CDH15: variants seen among roughly 807,000 people sequenced by gnomAD.
The protein encoded by CDH15 is cadherin-15.
In CDH15, 73 loss-of-function variants were observed where a neutral mutation model predicts 69.4. That is an observed-to-expected ratio of 1.05 (90% CI 0.87 to 1.28). The LOEUF (loss-of-function observed/expected upper bound fraction) is 1.28, where lower values mean the gene tolerates loss of function less well. Among genes scored for constraint, CDH15 ranks in the 50% most tolerant of loss-of-function variants. The pLI is 0.00. For missense variants in CDH15, 1,343 were observed against 1,133.6 expected (o/e 1.18, Z -2.65); for synonymous variants, 624 against 507.7 (o/e 1.23, Z -3.08).
Position 89,191,781 on chromosome 16 carries a change from T to G in CDH15, c.1502T>G (p.Leu501Arg), listed in dbSNP as rs1258985515. Residue 501 changes from leucine to arginine, a missense_variant, in exon 10 of 14, where the codon CTC becomes CGC. Physicochemically the swap from Leu to Arg is moderately radical, Grantham distance 102. Coordinates refer to ENST00000289746, the MANE Select transcript of CDH15 (RefSeq NM_004933.3). Reference protein sequence around the residue: ...LCSEPHQGPGLLLGATDEDLP... With the variant: ...LCSEPHQGPGRLLGATDEDLP... ...AGCGAGCCACACCAAGGCCCAGGCC[T>G]CCTCCTGGGCGCCACGGATGAGGAC... 1.9e-6 allele frequency: 3 copies of G among 1,605,952 alleles called. No individual in the cohort carries two copies. The highest frequency in any genetic ancestry group is 2.5e-6 in the Non-Finnish European group (3 of 1,179,434).
chr16:89,194,921 T>G lies in CDH15; in HGVS notation c.2211T>G (p.Tyr737Ter). ...CGCCTTACGACACAGCCCTCATCTA[T>G]GACTACGAGGGTGACGGCTCGGTGG... is the stretch of plus-strand genomic sequence containing the variant. ...SVPPYDTALI[Y>*]DYEGDGSVAG... Residue 737 changes from tyrosine to a stop codon, truncating the protein, a stop_gained, in exon 14 of 14, where the codon TAT becomes TAG. Transcript: ENST00000289746. LOFTEE classifies it low-confidence loss of function (END_TRUNC). 6.2e-7 allele frequency: 1 copy of G among 1,608,544 alleles called. No homozygotes were observed. The highest frequency in any genetic ancestry group is 1.1e-5 in the South Asian group (1 of 90,322).
intron 3 of CDH15, chr16:89,182,566 C>T (rs1597305265): frequency 6.6e-6 from 1 of 151,730 alleles, no homozygotes; most frequent in South Asian, 2.1e-4. Context: ...CACTTGAACC[C>T]AGGAAGTGGA....
rs771303296 is a variant in CDH15 at position 89,191,345 on chromosome 16, C to T, written c.1248C>T (p.Tyr416=). Residue 416 remains tyrosine (Y), a synonymous_variant, in exon 9 of 14, where the codon TAC becomes TAT. Transcript: ENST00000289746. ...CCTGCATCAGCTACTCCAAGGACTA[C>T]GACCCGGAAGACTGGCTGCAAGTGG... ...QLQRLSYSKD[Y]DPEDWLQVDA... 24 of 1,612,712 alleles carry T rather than the reference C, an allele frequency of 1.5e-5. No homozygotes were observed. The East Asian group carries it at 2.7e-4, about 18-fold the overall frequency.
chr16:89,180,588 T>A (rs1915354200), intron 3 of CDH15, among the ~76,000 whole-genome samples: 1 of 152,156 alleles, frequency 6.6e-6, no homozygotes, highest in Admixed American at 6.5e-5. Flanking sequence ...CAGACAGAGG[T>A]CCCGTGGAGG....
Position 89,185,192 on chromosome 16 carries a change from A to C in CDH15, c.522A>C (p.Ala174=). 6.2e-7 allele frequency: 1 copy of C among 1,602,818 alleles called. No individual in the cohort carries two copies. The highest frequency in any genetic ancestry group is 1.1e-5 in the South Asian group (1 of 89,448). Residue 174 remains alanine (A), a synonymous_variant, in exon 5 of 14, where the codon GCA becomes GCC. Transcript: ENST00000289746. ...TCCCAGGCACCTATGTGACCAGGGCAGAGGCCACAGATGCCGACGACCCCG... is the reference window on the plus strand; with the variant it reads ...TCCCAGGCACCTATGTGACCAGGGCCGAGGCCACAGATGCCGACGACCCCG... The part of the protein sequence containing the change: ...GAVPGTYVTR[A]EATDADDPET...
At chr16:89,178,612 C>T (rs1430407431) in intron 1 of CDH15, among the ~76,000 whole-genome samples, 4 of 152,114 alleles carry the variant, frequency 2.6e-5, no homozygotes, top group East Asian at 3.9e-4. Context: ...CTCAGGAACC[C>T]GCACCACCAG....
intron 1 of CDH15, among the ~76,000 whole-genome samples, chr16:89,177,921 G>T (rs1439158087): frequency 2.0e-5 from 3 of 152,078 alleles, no homozygotes; most frequent in African/African-American, 7.2e-5. Flanking sequence ...GTGTCCTGGG[G>T]ATCCCAGGAC....
chr16:89,194,158 C>G (rs938485100), intron 13 of CDH15, among the ~76,000 whole-genome samples: 6 of 152,232 alleles, frequency 3.9e-5, no homozygotes, highest in Admixed American at 2.0e-4. Flanking sequence ...TGGCGATGGC[C>G]ACAGACCCAT....
intron 1 of CDH15, among the ~76,000 whole-genome samples, chr16:89,172,488 T>C (rs1329401889): frequency 6.6e-6 from 1 of 152,122 alleles, no homozygotes; most frequent in Non-Finnish European, 1.5e-5. Flanking sequence ...GCTCTGTTCC[T>C]GGGCTTCACC....
At chr16:89,191,140 T>C (rs1024557161) in intron 8 of CDH15, among the ~76,000 whole-genome samples, 190 bp from the exon 9 acceptor site, 4 of 151,362 alleles carry the variant, frequency 2.6e-5, no homozygotes, top group South Asian at 2.1e-4. Context: ...TGTATGTGTA[T>C]GTGGTGTGTG....
chr16:89,171,972 G>A, intron 1 of CDH15, 99 bp downstream of exon 1: 4 of 1,304,940 alleles, frequency 3.1e-6, no homozygotes, highest in South Asian at 1.3e-5. Context: ...AGAACCACTG[G>A]CCCTGGTCGC....
chr16:89,185,402 C>G lies in CDH15; in HGVS notation c.663+69C>G, dbSNP rs1412262106. The G allele has an allele frequency of 3.3e-6, 5 of 1,499,580 alleles. No homozygotes were observed. The East Asian group carries it at 9.8e-5, about 29-fold the overall frequency. The allele number at this position is 1,499,580 out of a possible 1,614,324, so 92.9% of individuals were successfully genotyped here. A position where few individuals can be genotyped will look rare whatever the true frequency, so the allele number is the denominator to read the frequency against. On this transcript the variant is annotated intron_variant, in intron 5 of 13. Coordinates refer to ENST00000289746, the MANE Select transcript of CDH15 (RefSeq NM_004933.3). ...AGCCCATCTCCTGCGGGTCCCTCTG[C>G]CCCCAGCCTGCCCACCCCAGACGCT...
chr16:89,191,304 C>A (rs762637801), intron 8 of CDH15, 26 bp from the exon 9 acceptor site: 3 of 1,612,348 alleles, frequency 1.9e-6, no homozygotes, highest in Non-Finnish European at 2.5e-6. Context: ...AAACTCAGAT[C>A]CCACTCTTCC....
chr16:89,185,085 GCA>G lies in CDH15; in HGVS notation c.503-84_503-83del, dbSNP rs1915452191. On this transcript the variant is annotated intron_variant, in intron 4 of 13. Coordinates refer to ENST00000289746, the MANE Select transcript of CDH15 (RefSeq NM_004933.3). The stretch of plus-strand genomic sequence containing the variant: ...GCCGTGCTGGAACCGGGGAGCCTGT[GCA>G]CACGAGGTGCCCCCACGCCCCTCAC... The G allele has an allele frequency of 1.6e-5, 21 of 1,303,094 alleles. No homozygotes were observed. The South Asian group carries it at 2.7e-4, about 17-fold the overall frequency. 80.7% of individuals were successfully genotyped at this position (1,303,094 alleles called of 1,614,324 possible). A position where few individuals can be genotyped will look rare whatever the true frequency, so the allele number is the denominator to read the frequency against.
At chr16:89,186,183 T>TACCCAGCGCACAGTAGGTGCTCTGTGAAC (rs1915482128) in intron 5 of CDH15, 7 of 79,864 alleles carry the variant, frequency 8.8e-5, no homozygotes, top group African/African-American at 3.1e-4. Context: ...TGTAAACGCT[T>TACCCAGCGCACAGTAGGTGCTCTGTGAAC]ACCCAGCGCA....
intron 3 of CDH15, among the ~76,000 whole-genome samples, chr16:89,181,744 C>A (rs531543085): frequency 6.6e-6 from 1 of 152,086 alleles, no homozygotes; most frequent in Non-Finnish European, 1.5e-5. Context: ...TCGAGACCAT[C>A]CTGGCTAACA....
intron 11 of CDH15, 61 bp from the exon 12 acceptor site, chr16:89,193,409 G>A (rs1676855145): frequency 1.3e-5 from 15 of 1,198,398 alleles, no homozygotes; most frequent in Non-Finnish European, 1.7e-5. Flanking sequence ...CTCCTTCGCA[G>A]CCCGGCCCCC....
At position 89,191,784 on chromosome 16, in the gene CDH15, T is replaced by A. The variant is rs777661539; in HGVS notation, c.1505T>A (p.Leu502His). The A allele has an allele frequency of 1.5e-5, 24 of 1,606,020 alleles. No individual in the cohort carries two copies. Among genetic ancestry groups the A allele is most frequent in the Non-Finnish European group, 1.9e-5 (22 of 1,179,484 alleles). The change falls in exon 10 of 14, where the codon CTC (leucine) becomes CAC (histidine). Residue 502 changes from leucine to histidine, a missense_variant. Coordinates refer to ENST00000289746, the MANE Select transcript of CDH15 (RefSeq NM_004933.3). ...CSEPHQGPGL[L>H]LGATDEDLPP... ...GAGCCACACCAAGGCCCAGGCCTCC[T>A]CCTGGGCGCCACGGATGAGGACCTG...
chr16:89,190,242 G>A lies in CDH15; in HGVS notation c.979-1G>A, dbSNP rs35477113. On this transcript the variant is annotated splice_acceptor_variant, in intron 7 of 13. Transcript: ENST00000289746. LOFTEE classifies it high-confidence loss of function. The stretch of plus-strand genomic sequence containing the variant: ...TGACGGGCTGTGCTTCCTTCCCTCA[G>A]GCCCTGGACTATGAGAGCTGTGAAC... 6.2e-7 allele frequency: 1 copy of A among 1,612,162 alleles called. No homozygotes were observed. Among genetic ancestry groups the A allele is most frequent in the Non-Finnish European group, 8.5e-7 (1 of 1,179,708 alleles).
Sources: gnomAD v4.1 joint callset for allele counts (sites outside exome capture counted in the v4.1 genomes callset) on GRCh38, gnomAD v4.1.1 for gene constraint, MANE v1.5 for transcripts, NCBI Gene and HGNC (gene_info 2026-07-23, HGNC 2026-07-21) for gene names.